KRTAP17-1: variants seen among roughly 807,000 people sequenced by gnomAD.
KRTAP17-1 encodes the protein keratin associated protein 17-1.
Under a neutral mutation model 10.4 loss-of-function variants are expected in KRTAP17-1, and 2 were observed. The ratio of observed to expected loss-of-function variants is 0.19; its 90% CI spans 0.08 to 0.61. The LOEUF is 0.61. KRTAP17-1 is among the 20% of genes least tolerant of loss of function. The pLI is 0.89. For synonymous variants in KRTAP17-1, 62 were observed against 52.7 expected, an observed-to-expected ratio of 1.18 and a Z score of -0.77; for missense variants, 143 against 136.8, an observed-to-expected ratio of 1.05 and a Z score of -0.23.
Position 41,315,482 on chromosome 17 carries a change from A to C in KRTAP17-1, c.169T>G (p.Cys57Gly), listed in dbSNP as rs2017047269. Reference protein sequence around the residue: ...GCGGSCCGSSCCGSGCGGCGG... With the variant: ...GCGGSCCGSSGCGSGCGGCGG... ...CAGCCTCCGCAGCCAGATCCACAGC[A>C]AGACGATCCGCAGCAGCTGCCCCCG... Residue 57 changes from cysteine to glycine, a missense_variant, in exon 1 of 1, where the codon TGC (cysteine) becomes GGC (glycine). Cys to Gly is a radical substitution (Grantham distance 159). Transcript: ENST00000334202. 1 of 1,597,738 alleles carries C rather than the reference A, an allele frequency of 6.3e-7. No homozygotes were observed. The highest frequency in any genetic ancestry group is 8.5e-7 in the Non-Finnish European group (1 of 1,171,722).
Position 41,315,515 on chromosome 17 carries a change from AGCCCCCGC to A in KRTAP17-1, c.128_135del (p.Cys43PhefsTer103), listed in dbSNP as rs1187709823. The A allele has an allele frequency of 5.6e-6, 6 of 1,075,714 alleles. No individual in the cohort carries two copies. The highest frequency in any genetic ancestry group is 2.5e-6 in the Non-Finnish European group (2 of 792,298). 66.6% of individuals were successfully genotyped at this position (1,075,714 alleles called of 1,614,324 possible). A position where few individuals can be genotyped will look rare whatever the true frequency, so the allele number is the denominator to read the frequency against. Reference sequence around the variant, plus strand: ...CCGCAGCAGCTGCCCCCGCAGCCAGAGCCCCCGCAGCCAGAGCCCCCACAGCCACAGCA... The same window carrying A: ...CCGCAGCAGCTGCCCCCGCAGCCAGAAGCCAGAGCCCCCACAGCCACAGCA... On this transcript the variant is annotated frameshift_variant, in exon 1 of 1. Transcript: ENST00000334202. LOFTEE classifies it high-confidence loss of function.
Position 41,315,234 on chromosome 17 carries a change from T to A in KRTAP17-1, c.*99A>T. 6.0e-6 allele frequency: 7 copies of A among 1,174,088 alleles called. No homozygotes were observed. Among genetic ancestry groups the A allele is most frequent in the Non-Finnish European group, 8.4e-6 (7 of 835,256 alleles). 72.7% of individuals were successfully genotyped at this position (1,174,088 alleles called of 1,614,324 possible). A position where few individuals can be genotyped will look rare whatever the true frequency, so the allele number is the denominator to read the frequency against. Reference sequence around the variant, plus strand: ...TACAAATCACAGAAAGACAAGACACTGTCTTGGGGGTATGGAAGGTTCTGG... The same window carrying A: ...TACAAATCACAGAAAGACAAGACACAGTCTTGGGGGTATGGAAGGTTCTGG... On this transcript the variant is annotated 3_prime_UTR_variant, in exon 1 of 1. Coordinates refer to ENST00000334202, the MANE Select transcript of KRTAP17-1 (RefSeq NM_031964.2).
chr17:41,315,464 C>T lies in KRTAP17-1; in HGVS notation c.187G>A (p.Gly63Arg), dbSNP rs1018404582. Residue 63 changes from glycine to arginine, a missense_variant, in exon 1 of 1, where the codon GGA (glycine) becomes AGA (arginine). By Grantham distance (125) the Gly-to-Arg change is moderately radical. Transcript: ENST00000334202. The stretch of plus-strand genomic sequence containing the variant: ...CAGCCTCCGCAGCCTCCACAGCCTC[C>T]GCAGCCAGATCCACAGCAAGACGAT... ...CGSSCCGSGC[G>R]GCGGCGGCGG... 1.6e-5 allele frequency: 25 copies of T among 1,599,588 alleles called. No homozygotes were observed. Among genetic ancestry groups the T allele is most frequent in the African/African-American group, 2.7e-5 (2 of 74,422 alleles).
rs1567655987 is a variant in KRTAP17-1, at chr17:41,315,594, A to G, written c.57T>C (p.Cys19=). The part of the protein sequence containing the change: ...FTCCTQEQNC[C]EECCCQPGCC... ...AGCCCGGCTGACAGCAGCACTCTTCACAGCAGTTTTGCTCCTGGGTGCAGC... is the reference window on the plus strand; with the variant it reads ...AGCCCGGCTGACAGCAGCACTCTTCGCAGCAGTTTTGCTCCTGGGTGCAGC... The change falls in exon 1 of 1, where the codon TGT becomes TGC. Residue 19 remains cysteine, a synonymous_variant. Coordinates refer to ENST00000334202, the MANE Select transcript of KRTAP17-1 (RefSeq NM_031964.2). 1.2e-6 allele frequency: 2 copies of G among 1,613,546 alleles called. No homozygotes were observed. The highest frequency in any genetic ancestry group is 2.2e-5 in the East Asian group (1 of 44,878).
At position 41,315,046 on chromosome 17, in the gene KRTAP17-1, G is replaced by A. The variant is rs567615074; in HGVS notation, c.*287C>T. On this transcript the variant is annotated 3_prime_UTR_variant, in exon 1 of 1. Transcript: ENST00000334202. ...ACCTTGAAGAAGAGGATGTCTTATA[G>A]TACAAGACATTGAACTTCATGTGAA... 4.6e-6 allele frequency: 2 copies of A among 431,842 alleles called. No homozygotes were observed. Among genetic ancestry groups the A allele is most frequent in the African/African-American group, 3.9e-5 (2 of 50,970 alleles). 26.8% of individuals were successfully genotyped at this position (431,842 alleles called of 1,614,324 possible). A position where few individuals can be genotyped will look rare whatever the true frequency, so the allele number is the denominator to read the frequency against.
Position 41,315,636 on chromosome 17 carries a change from C to A in KRTAP17-1, c.15G>T (p.Pro5=), listed in dbSNP as rs34354631. ...GGGTGCAGCAGGTGAAGCAGTCCCC[C>A]GGGCAGCACCCCATGGTCCGGGCCC... The part of the protein sequence containing the change: MGCC[P]GDCFTCCTQE... Residue 5 remains proline, a synonymous_variant, in exon 1 of 1, where the codon CCG becomes CCT. Transcript: ENST00000334202. 6.2e-7 allele frequency: 1 copy of A among 1,605,570 alleles called. No individual in the cohort carries two copies. The highest frequency in any genetic ancestry group is 8.5e-7 in the Non-Finnish European group (1 of 1,174,456).
chr17:41,315,409 C>T lies in KRTAP17-1; in HGVS notation c.242G>A (p.Cys81Tyr), dbSNP rs1239671967. The T allele has an allele frequency of 1.9e-6, 3 of 1,612,760 alleles. No individual in the cohort carries two copies. The highest frequency in any genetic ancestry group is 4.5e-5 in the East Asian group (2 of 44,850). Residue 81 changes from cysteine to tyrosine, a missense_variant, in exon 1 of 1, where the codon TGT becomes TAT. Physicochemically the swap from Cys to Tyr is radical, Grantham distance 194 (BLOSUM62 -2). Transcript: ENST00000334202. Reference protein sequence around the residue: ...CGGGCCGSSCCGSSCCGSGCC... With the variant: ...CGGGCCGSSCYGSSCCGSGCC... Reference sequence around the variant, plus strand: ...CCCGGAGCCGCAGCAACTGGACCCACAGCAACTGGATCCACAGCAGCCACC... The same window carrying T: ...CCCGGAGCCGCAGCAACTGGACCCATAGCAACTGGATCCACAGCAGCCACC...
At position 41,315,249 on chromosome 17, in the gene KRTAP17-1, G is replaced by A; in HGVS notation, c.*84C>T. ...GACAAGACACTGTCTTGGGGGTATG[G>A]AAGGTTCTGGACACGAGGGGCTGTC... is the stretch of plus-strand genomic sequence containing the variant. On this transcript the variant is annotated 3_prime_UTR_variant, in exon 1 of 1. Coordinates refer to ENST00000334202, the MANE Select transcript of KRTAP17-1 (RefSeq NM_031964.2). The A allele has an allele frequency of 7.5e-7, 1 of 1,338,860 alleles. No homozygotes were observed. The highest frequency in any genetic ancestry group is 2.3e-5 in the East Asian group (1 of 43,280). The allele number at this position is 1,338,860 out of a possible 1,614,324, so 82.9% of individuals were successfully genotyped here.
At position 41,315,669 on chromosome 17, in the gene KRTAP17-1, C is replaced by A; in HGVS notation, c.-19G>T. On this transcript the variant is annotated 5_prime_UTR_variant, in exon 1 of 1. Coordinates refer to ENST00000334202, the MANE Select transcript of KRTAP17-1 (RefSeq NM_031964.2). ...ACCCCATGGTCCGGGCCCGTCAGCTCGCAGGTCGGTAACGCAGCCGGAGTT... is the reference window on the plus strand; with the variant it reads ...ACCCCATGGTCCGGGCCCGTCAGCTAGCAGGTCGGTAACGCAGCCGGAGTT... 1 of 1,573,202 alleles carries A rather than the reference C, an allele frequency of 6.4e-7. No individual in the cohort carries two copies. The highest frequency in any genetic ancestry group is 8.7e-7 in the Non-Finnish European group (1 of 1,156,056).
chr17:41,315,028 A>G lies in KRTAP17-1; in HGVS notation c.*305T>C. 3.1e-6 allele frequency: 1 copy of G among 324,056 alleles called. No individual in the cohort carries two copies. The allele number at this position is 324,056 out of a possible 1,614,324, so 20.1% of individuals were successfully genotyped here. On this transcript the variant is annotated 3_prime_UTR_variant, in exon 1 of 1. Coordinates refer to ENST00000334202, the MANE Select transcript of KRTAP17-1 (RefSeq NM_031964.2). Reference sequence around the variant, plus strand: ...AGGATCAGTCCCAAAGACACCTTGAAGAAGAGGATGTCTTATAGTACAAGA... The same window carrying G: ...AGGATCAGTCCCAAAGACACCTTGAGGAAGAGGATGTCTTATAGTACAAGA...
Position 41,315,229 on chromosome 17 carries a change from G to A in KRTAP17-1, c.*104C>T. 3.5e-6 allele frequency: 4 copies of A among 1,133,316 alleles called. No homozygotes were observed. The highest frequency in any genetic ancestry group is 2.4e-5 in the East Asian group (1 of 42,004). 70.2% of individuals were successfully genotyped at this position (1,133,316 alleles called of 1,614,324 possible). A position where few individuals can be genotyped will look rare whatever the true frequency, so the allele number is the denominator to read the frequency against. ...TCCTCTACAAATCACAGAAAGACAA[G>A]ACACTGTCTTGGGGGTATGGAAGGT... is the stretch of plus-strand genomic sequence containing the variant. On this transcript the variant is annotated 3_prime_UTR_variant, in exon 1 of 1. Transcript: ENST00000334202.
At position 41,315,500 on chromosome 17, in the gene KRTAP17-1, T is replaced by TGCCCCCGCAGCCAGA. The variant is rs72106118; in HGVS notation, c.136_150dup (p.Gly47_Ser51dup). On this transcript the variant is annotated inframe_insertion, in exon 1 of 1. Coordinates refer to ENST00000334202, the MANE Select transcript of KRTAP17-1 (RefSeq NM_031964.2). ...CCACAGCAAGACGATCCGCAGCAGC[T>TGCCCCCGCAGCCAGA]GCCCCCGCAGCCAGAGCCCCCGCAG... is the stretch of plus-strand genomic sequence containing the variant. The TGCCCCCGCAGCCAGA allele has an allele frequency of 7.5e-6, 12 of 1,602,054 alleles. No homozygotes were observed. Among genetic ancestry groups the TGCCCCCGCAGCCAGA allele is most frequent in the Admixed American group, 5.2e-5 (3 of 57,486 alleles).
Position 41,315,503 on chromosome 17 carries a change from C to T in KRTAP17-1, c.148G>A (p.Gly50Ser). The T allele has an allele frequency of 9.3e-7, 1 of 1,074,060 alleles. No homozygotes were observed. Among genetic ancestry groups the T allele is most frequent in the Non-Finnish European group, 1.3e-6 (1 of 791,426 alleles). The allele number at this position is 1,074,060 out of a possible 1,614,324, so 66.5% of individuals were successfully genotyped here. Reference sequence around the variant, plus strand: ...CAGCAAGACGATCCGCAGCAGCTGCCCCCGCAGCCAGAGCCCCCGCAGCCA... The same window carrying T: ...CAGCAAGACGATCCGCAGCAGCTGCTCCCGCAGCCAGAGCCCCCGCAGCCA... ...GSGCGGSGCG[G>S]SCCGSSCCGS... The change falls in exon 1 of 1, where the codon GGC becomes AGC. Residue 50 changes from glycine to serine, a missense_variant. Physicochemically the swap from Gly to Ser is moderately conservative, Grantham distance 56. Transcript: ENST00000334202.
rs370384863 is a variant in KRTAP17-1 at position 41,315,597 on chromosome 17, G to A, written c.54C>T (p.Cys18=). Reference sequence around the variant, plus strand: ...CCGGCTGACAGCAGCACTCTTCACAGCAGTTTTGCTCCTGGGTGCAGCAGG... The same window carrying A: ...CCGGCTGACAGCAGCACTCTTCACAACAGTTTTGCTCCTGGGTGCAGCAGG... ...CFTCCTQEQN[C]CEECCCQPGC... Residue 18 remains cysteine (C), a synonymous_variant, in exon 1 of 1, where the codon TGC becomes TGT. Coordinates refer to ENST00000334202, the MANE Select transcript of KRTAP17-1 (RefSeq NM_031964.2). 28 of 1,613,640 alleles carry A rather than the reference G, an allele frequency of 1.7e-5. No homozygotes were observed. In the African/African-American group the frequency reaches 3.1e-4, roughly 18 times the overall value.
rs1342345527 is a variant in KRTAP17-1, at chr17:41,315,489, TCCGCAGCAGCTGCCC to T, written c.147_161del (p.Gly50_Gly54del). ...CGCAGCCAGATCCACAGCAAGACGATCCGCAGCAGCTGCCCCCGCAGCCAGAGCCCCCGCAGCCAG... is the reference window on the plus strand; with the variant it reads ...CGCAGCCAGATCCACAGCAAGACGATCCGCAGCCAGAGCCCCCGCAGCCAG... On this transcript the variant is annotated inframe_deletion, in exon 1 of 1. Transcript: ENST00000334202. 1.9e-6 allele frequency: 3 copies of T among 1,597,288 alleles called. No homozygotes were observed. Among genetic ancestry groups the T allele is most frequent in the Non-Finnish European group, 2.6e-6 (3 of 1,171,586 alleles).
In KRTAP17-1 at chr17:41,315,067, G is replaced by A. The variant is rs1340290147; in HGVS notation, c.*266C>T. 3 of 477,984 alleles carry A rather than the reference G, an allele frequency of 6.3e-6. No homozygotes were observed. The highest frequency in any genetic ancestry group is 1.1e-5 in the Non-Finnish European group (3 of 269,030). 29.6% of individuals were successfully genotyped at this position (477,984 alleles called of 1,614,324 possible). A position where few individuals can be genotyped will look rare whatever the true frequency, so the allele number is the denominator to read the frequency against. On this transcript the variant is annotated 3_prime_UTR_variant, in exon 1 of 1. Coordinates refer to ENST00000334202, the MANE Select transcript of KRTAP17-1 (RefSeq NM_031964.2). Reference sequence around the variant, plus strand: ...TATAGTACAAGACATTGAACTTCATGTGAATAAGTAAAGTATTGGGGATTC... The same window carrying A: ...TATAGTACAAGACATTGAACTTCATATGAATAAGTAAAGTATTGGGGATTC...
chr17:41,315,629 A>G lies in KRTAP17-1; in HGVS notation c.22T>C (p.Cys8Arg). The change falls in exon 1 of 1, where the codon TGC (cysteine) becomes CGC (arginine). Residue 8 changes from cysteine to arginine, a missense_variant. Cys to Arg is a radical substitution (Grantham distance 180). Transcript: ENST00000334202. MGCCPGDCFTCCTQEQNC... is the reference protein window; with the variant it reads MGCCPGDRFTCCTQEQNC... ...TGCTCCTGGGTGCAGCAGGTGAAGC[A>G]GTCCCCCGGGCAGCACCCCATGGTC... 2 of 1,610,380 alleles carry G rather than the reference A, an allele frequency of 1.2e-6. No homozygotes were observed. Among genetic ancestry groups the G allele is most frequent in the Non-Finnish European group, 1.7e-6 (2 of 1,177,656 alleles).
Position 41,315,654 on chromosome 17 carries a change from C to G in KRTAP17-1, c.-4G>C. 6.3e-7 allele frequency: 1 copy of G among 1,586,916 alleles called. No individual in the cohort carries two copies. The highest frequency in any genetic ancestry group is 8.6e-7 in the Non-Finnish European group (1 of 1,162,856). ...AGTCCCCCGGGCAGCACCCCATGGT[C>G]CGGGCCCGTCAGCTCGCAGGTCGGT... is the stretch of plus-strand genomic sequence containing the variant. On this transcript the variant is annotated 5_prime_UTR_variant, in exon 1 of 1. Transcript: ENST00000334202.
rs1292534698 is a variant in KRTAP17-1 at position 41,315,062 on chromosome 17, T to C, written c.*271A>G. 6.4e-6 allele frequency: 3 copies of C among 471,532 alleles called. No homozygotes were observed. Among genetic ancestry groups the C allele is most frequent in the Admixed American group, 7.3e-5 (2 of 27,364 alleles). The allele number at this position is 471,532 out of a possible 1,614,324, so 29.2% of individuals were successfully genotyped here. ...TGTCTTATAGTACAAGACATTGAACTTCATGTGAATAAGTAAAGTATTGGG... is the reference window on the plus strand; with the variant it reads ...TGTCTTATAGTACAAGACATTGAACCTCATGTGAATAAGTAAAGTATTGGG... On this transcript the variant is annotated 3_prime_UTR_variant, in exon 1 of 1. Transcript: ENST00000334202.
Sources: gnomAD v4.1 joint callset for allele counts on GRCh38, gnomAD v4.1.1 for gene constraint, MANE v1.5 for transcripts, NCBI Gene and HGNC (gene_info 2026-07-23, HGNC 2026-07-21) for gene names.